KLF13: variants seen among roughly 807,000 people sequenced by gnomAD.
KLF13 encodes the protein KLF transcription factor 13, also known as Krueppel-like factor 13.
A neutral mutation model predicts 16.7 loss-of-function variants in KLF13; 8 were observed. The observed-to-expected ratio is 0.48, with a 90% CI of 0.28 to 0.87. The LOEUF (loss-of-function observed/expected upper bound fraction) is 0.87, where lower values mean the gene tolerates loss of function less well. Among genes scored for constraint, KLF13 ranks in the 40% least tolerant of loss-of-function variants. KLF13 has a pLI of 0.10. For missense variants in KLF13, 447 were observed against 452.2 expected, an observed-to-expected ratio of 0.99 and a Z score of 0.10; for synonymous variants, 245 against 208.4, an observed-to-expected ratio of 1.18 and a Z score of -1.51.
upstream of KLF13, among the ~76,000 whole-genome samples, chr15:31,390,941 A>G (rs1398866628): frequency 6.6e-6 from 1 of 151,062 alleles, no homozygotes; most frequent in Non-Finnish European, 1.5e-5. Flanking sequence ...CTTTCTGGCC[A>G]TCCCTGTCCC....
At chr15:31,402,565 C>G (rs746431750) in intron 2 of KLF13, among the ~76,000 whole-genome samples, 2 of 152,238 alleles carry the variant, frequency 1.3e-5, no homozygotes, top group Non-Finnish European at 2.9e-5. Flanking sequence ...TGCAGGGTCT[C>G]GTGCTCAGGT....
In KLF13 at chr15:31,340,494, C is replaced by CT. The variant is rs545828656; in HGVS notation, c.577+12708dup. ...GGTGCTCAGTTCCTTTCTTGTCATC[C>CT]TTTCTCTGTTTGTAAAGCAGAAACA... On this transcript the variant is annotated intron_variant, in intron 1 of 1. Transcript: ENST00000307145. 4.0e-3 allele frequency among the ~76,000 whole-genome samples: 604 copies of CT among 152,356 alleles called. 1 individual carries two copies. The highest frequency in any genetic ancestry group is 6.7e-3 in the Non-Finnish European group (453 of 68,030).
chr15:31,383,831 G>A (rs991199408), intron 1 of KLF13, among the ~76,000 whole-genome samples: 2 of 152,300 alleles, frequency 1.3e-5, no homozygotes, highest in Non-Finnish European at 2.9e-5. Flanking sequence ...GAACCTGGGA[G>A]GCAGAGCTTG....
At position 31,412,475 on chromosome 15, in the gene KLF13, TG is replaced by T. The variant is rs771657092; in HGVS notation, n.117+18785del. Among the ~76,000 whole-genome samples, 15 of 151,330 alleles carry T rather than the reference TG, an allele frequency of 9.9e-5. No individual in the cohort carries two copies. In the East Asian group the frequency reaches 1.2e-3, roughly 12 times the overall value. Reference sequence around the variant, plus strand: ...GGAAAAGTCCAAAAAAAAACCACTATGAAAAAAAAACACTTCTAGAATTAAT... The same window carrying T: ...GGAAAAGTCCAAAAAAAAACCACTATAAAAAAAAACACTTCTAGAATTAAT... On this transcript the variant is annotated intron_variant and non_coding_transcript_variant, in intron 1 of 1. Coordinates refer to the KLF13 transcript ENST00000558225.
chr15:31,344,721 AACC>A (rs1224037017), intron 1 of KLF13, among the ~76,000 whole-genome samples: 4 of 144,252 alleles, frequency 2.8e-5, no homozygotes, highest in Non-Finnish European at 5.9e-5. Context: ...TTTTATTCTA[AACC>A]TAATGGAACC....
chr15:31,365,558 G>T (rs936367048), intron 1 of KLF13, among the ~76,000 whole-genome samples: 5 of 143,112 alleles, frequency 3.5e-5, no homozygotes, highest in Non-Finnish European at 7.7e-5. Context: ...CAGGAGGTTC[G>T]CAGACAGAAA....
At chr15:31,405,469 T>C (rs750649526), downstream of KLF13, among the ~76,000 whole-genome samples, 3 of 152,210 alleles carry the variant, frequency 2.0e-5, no homozygotes, top group Non-Finnish European at 4.4e-5. Flanking sequence ...GACTTTCCAG[T>C]TTCTGGAACT....
chr15:31,343,005 G>A (rs947354692), intron 1 of KLF13, among the ~76,000 whole-genome samples: 5 of 152,238 alleles, frequency 3.3e-5, no homozygotes, highest in African/African-American at 7.2e-5. Context: ...GGGCCTGCTT[G>A]CTGGAGGGGG....
chr15:31,347,707 A>C (rs1038398911), intron 1 of KLF13, among the ~76,000 whole-genome samples: 3 of 152,212 alleles, frequency 2.0e-5, no homozygotes, highest in African/African-American at 7.2e-5. Flanking sequence ...GGCTGGGCCC[A>C]AAGGCTCCCA....
chr15:31,424,875 T>TCACACACACACA (rs71110875), intron 1 of KLF13, among the ~76,000 whole-genome samples: 5,113 of 146,236 alleles, frequency 0.035, 116 homozygotes, highest in South Asian at 0.04. Context: ...TCTAGAGATT[T>TCACACACACACA]CACACACACA....
intron 1 of KLF13, chr15:31,366,477 T>G (rs1389174557): frequency 6.6e-6 from 1 of 152,306 alleles, no homozygotes; most frequent in African/African-American, 2.4e-5. Context: ...GCAGGAAGGC[T>G]AGGAGCTCCT....
chr15:31,356,413 G>A (rs945799773), intron 1 of KLF13, among the ~76,000 whole-genome samples: 4 of 152,200 alleles, frequency 2.6e-5, no homozygotes, highest in African/African-American at 7.2e-5. Context: ...TTAGCTGGGC[G>A]TGGTGGCGGG....
rs770312146 is a variant in KLF13, at chr15:31,327,757, C to T, written c.545C>T (p.Ser182Leu). ...TGCGAGAAAGTTTACGGGAAATCTT[C>T]GCACCTCAAGGCGCACCTGAGAACT... ...AGCEKVYGKSSHLKAHLRTHT... is the reference protein window; with the variant it reads ...AGCEKVYGKSLHLKAHLRTHT... Residue 182 changes from serine to leucine, a missense_variant, in exon 1 of 2, where the codon TCG (serine) becomes TTG (leucine). By Grantham distance (145) the Ser-to-Leu change is moderately radical. Around this residue, in one of 2 missense-constraint regions of KLF13, gnomAD observed 359 missense variants for 282.8 expected, o/e 1.27. Coordinates refer to ENST00000307145, the MANE Select transcript of KLF13 (RefSeq NM_015995.4). 6.5e-7 allele frequency: 1 copy of T among 1,533,044 alleles called. No homozygotes were observed. The highest frequency in any genetic ancestry group is 8.8e-7 in the Non-Finnish European group (1 of 1,135,562). The allele number at this position is 1,533,044 out of a possible 1,614,324, so 95.0% of individuals were successfully genotyped here.
chr15:31,406,853 TCTC>T (rs2040135719), downstream of KLF13, among the ~76,000 whole-genome samples: 1 of 152,150 alleles, frequency 6.6e-6, no homozygotes, highest in African/African-American at 2.4e-5. Context: ...TGCACCACCA[TCTC>T]CTCTGCTTCT....
rs916885720 is a variant in KLF13 at position 31,339,855 on chromosome 15, A to T, written c.577+12066A>T. The T allele has an allele frequency of 4.7e-5, 32 of 676,188 alleles. No individual in the cohort carries two copies. The East Asian group carries it at 8.7e-4, about 18-fold the overall frequency. 41.9% of individuals were successfully genotyped at this position (676,188 alleles called of 1,614,324 possible). A position where few individuals can be genotyped will look rare whatever the true frequency, so the allele number is the denominator to read the frequency against. ...GTCTCGTGGGAGTGCCCCAGGTGGC[A>T]CTTTGCTGTGGGAGATGCAGCAGCG... On this transcript the variant is annotated intron_variant, in intron 1 of 1. Transcript: ENST00000307145.
At chr15:31,380,293 A>C (rs1052726016), downstream of KLF13, among the ~76,000 whole-genome samples, 4 of 152,298 alleles carry the variant, frequency 2.6e-5, no homozygotes, top group African/African-American at 9.6e-5. Flanking sequence ...ACTCTGTCTC[A>C]AAAACAAATA....
chr15:31,414,812 A>C (rs1433873618), intron 1 of KLF13, among the ~76,000 whole-genome samples: 1 of 152,218 alleles, frequency 6.6e-6, no homozygotes, highest in Non-Finnish European at 1.5e-5. Flanking sequence ...AAAGAAGTAG[A>C]AGAAGACTTG....
At chr15:31,434,028 G>A (rs558841253) in intron 1 of KLF13, among the ~76,000 whole-genome samples, 19 of 152,148 alleles carry the variant, frequency 1.2e-4, no homozygotes, top group African/African-American at 4.6e-4. Flanking sequence ...AGAGAAGATG[G>A]AGAGAGAACA....
At chr15:31,368,110 C>T (rs1416900934) in intron 1 of KLF13, among the ~76,000 whole-genome samples, 1 of 152,008 alleles carries the variant, frequency 6.6e-6, no homozygotes, top group Non-Finnish European at 1.5e-5. Flanking sequence ...AGATCCTGAC[C>T]TGATTACATC....
Sources: gnomAD v4.1 joint callset for allele counts (sites outside exome capture counted in the v4.1 genomes callset) on GRCh38, gnomAD v4.1.1 for gene constraint, gnomAD v4.1.1 regional missense constraint, MANE v1.5 for transcripts, NCBI Gene and HGNC (gene_info 2026-07-23, HGNC 2026-07-21) for gene names.